The following TMEM8B variants were observed in gnomAD, a reference collection of about 807,000 sequenced individuals.
The protein encoded by TMEM8B is nasopharyngeal carcinoma expressed 6.
Under a neutral mutation model 49.3 loss-of-function variants are expected in TMEM8B, and 29 were observed. That is an observed-to-expected ratio of 0.59 (90% CI 0.44 to 0.80). TMEM8B has a LOEUF of 0.80. Ranked by LOEUF, TMEM8B falls within the 30% of genes least tolerant of loss-of-function variation. The pLI is 0.00. For missense variants in TMEM8B, 575 were observed against 658.5 expected (o/e 0.87, Z 1.39); for synonymous variants, 264 against 272.8 (o/e 0.97, Z 0.32).
chr9:35,838,171 TGAATAGG>T (rs982409833), intron 3 of TMEM8B, among the ~76,000 whole-genome samples: 6 of 152,186 alleles, frequency 3.9e-5, no homozygotes, highest in African/African-American at 1.4e-4. Context: ...ATTTATTTTT[TGAATAGG>T]CAATCCATGC....
Position 35,853,861 on chromosome 9 carries a change from C to G in TMEM8B, c.*21C>G. ...GCTGAGAGGGGCTTTGGGCCTGGCCCTGAGGGGATATGAATGCTTCCTAGA... is the reference window on the plus strand; with the variant it reads ...GCTGAGAGGGGCTTTGGGCCTGGCCGTGAGGGGATATGAATGCTTCCTAGA... On this transcript the variant is annotated 3_prime_UTR_variant, in exon 13 of 13. Transcript: ENST00000643932. The surrounding 1 kb of genome is among the most constrained non-coding windows in gnomAD (Gnocchi z 4.2). 1 of 1,517,394 alleles carries G rather than the reference C, an allele frequency of 6.6e-7. No homozygotes were observed. Among genetic ancestry groups the G allele is most frequent in the East Asian group, 2.3e-5 (1 of 44,172 alleles). The allele number at this position is 1,517,394 out of a possible 1,614,324, so 94.0% of individuals were successfully genotyped here.
rs201470224 is a variant in TMEM8B at position 35,841,785 on chromosome 9, C to T, written c.1300C>T (p.Arg434Trp). The part of the protein sequence containing the change: ...GRTIRFQLCV[R>W]LQECPQPGLL... ...GACCATCCGCTTCCAGCTGTGTGTG[C>T]GGTTGCAAGGTCAGAACCCCTGCAT... Residue 434 changes from arginine (R) to tryptophan (W), a missense_variant, in exon 5 of 13, where the codon CGG becomes TGG. Arg to Trp is a moderately radical substitution (Grantham distance 101). Transcript: ENST00000643932. The surrounding 1 kb of genome is among the most constrained non-coding windows in gnomAD (Gnocchi z 5.9). The T allele has an allele frequency of 2.2e-3, 901 of 416,018 alleles. 5 individuals carry two copies. The highest frequency in any genetic ancestry group is 1.9e-3 in the Non-Finnish European group (436 of 226,522). 25.8% of individuals were successfully genotyped at this position (416,018 alleles called of 1,614,324 possible).
In TMEM8B at chr9:35,864,262, T is replaced by G. The variant is rs1832697463; in HGVS notation, c.*10422T>G. ...AGGTCTGATAGACCCAGGGTTACTT[T>G]GCAAGCTAACTGACATATCAGTCTC... is the stretch of plus-strand genomic sequence containing the variant. On this transcript the variant is annotated 3_prime_UTR_variant, in exon 13 of 13. Transcript: ENST00000643932. The G allele has an allele frequency of 6.6e-6, 1 of 152,260 alleles. No individual in the cohort carries two copies. The highest frequency in any genetic ancestry group is 1.5e-5 in the Non-Finnish European group (1 of 68,046). The allele number at this position is 152,260 out of a possible 1,614,324, so 9.4% of individuals were successfully genotyped here.
At chr9:35,831,693 G>C (rs1829916055) in intron 1 of TMEM8B, among the ~76,000 whole-genome samples, 1 of 152,324 alleles carries the variant, frequency 6.6e-6, no homozygotes, top group African/African-American at 2.4e-5. Flanking sequence ...CAGGGTGACC[G>C]ACAGCCACAG....
intron 1 of TMEM8B, 36 bp downstream of exon 1, chr9:35,829,991 G>A: frequency 2.4e-6 from 1 of 415,366 alleles, no homozygotes; most frequent in East Asian, 3.6e-5. Flanking sequence ...AGGCAGGAAT[G>A]GGGTTCCGGC....
At position 35,829,842 on chromosome 9, in the gene TMEM8B, T is replaced by TC; in HGVS notation, c.401dup (p.Ile135TyrfsTer11). The TC allele has an allele frequency of 2.4e-6, 1 of 416,024 alleles. No homozygotes were observed. 25.8% of individuals were successfully genotyped at this position (416,024 alleles called of 1,614,324 possible). A position where few individuals can be genotyped will look rare whatever the true frequency, so the allele number is the denominator to read the frequency against. ...TGTTTACCCAAGTCTCTCCCTCTAG[T>TC]CCCCCCTATCTCTCATACTCTGCCC... On this transcript the variant is annotated frameshift_variant, in exon 1 of 13. Coordinates refer to ENST00000643932, the MANE Select transcript of TMEM8B (RefSeq NM_001042590.4). LOFTEE classifies it high-confidence loss of function.
chr9:35,847,345 C>T, intron 10 of TMEM8B: 2 of 610,530 alleles, frequency 3.3e-6, no homozygotes, highest in Non-Finnish European at 5.8e-6. Flanking sequence ...ACCATGTTCT[C>T]TGTATGGGGG....
chr9:35,839,309 G>A (rs981405877), intron 3 of TMEM8B, among the ~76,000 whole-genome samples: 4 of 152,198 alleles, frequency 2.6e-5, no homozygotes, highest in Non-Finnish European at 4.4e-5. Context: ...TTCCTTGCCT[G>A]TGCCCTGGGC....
chr9:35,856,568 A>G lies in TMEM8B; in HGVS notation c.*2728A>G. ...GGGGTTTTGATGGCTGGGGCAGAGG[A>G]TGGACTTTGGGAGACCTTGGAGGAC... On this transcript the variant is annotated 3_prime_UTR_variant, in exon 13 of 13. Coordinates refer to ENST00000643932, the MANE Select transcript of TMEM8B (RefSeq NM_001042590.4). 6.6e-6 allele frequency: 1 copy of G among 152,230 alleles called. No homozygotes were observed. Among genetic ancestry groups the G allele is most frequent in the East Asian group, 1.9e-4 (1 of 5,198 alleles). 9.4% of individuals were successfully genotyped at this position (152,230 alleles called of 1,614,324 possible). A position where few individuals can be genotyped will look rare whatever the true frequency, so the allele number is the denominator to read the frequency against.
rs979538867 is a variant in TMEM8B at position 35,854,903 on chromosome 9, A to G, written c.*1063A>G. ...TCCATTTGGGATTCCTTCTCTTTCCATGAGGGTCATAGCTGAGTTCTGAGG... is the reference window on the plus strand; with the variant it reads ...TCCATTTGGGATTCCTTCTCTTTCCGTGAGGGTCATAGCTGAGTTCTGAGG... On this transcript the variant is annotated 3_prime_UTR_variant, in exon 13 of 13. Transcript: ENST00000643932. 5.3e-5 allele frequency: 8 copies of G among 152,152 alleles called. No homozygotes were observed. The highest frequency in any genetic ancestry group is 1.7e-4 in the African/African-American group (7 of 41,410). 9.4% of individuals were successfully genotyped at this position (152,152 alleles called of 1,614,324 possible). A position where few individuals can be genotyped will look rare whatever the true frequency, so the allele number is the denominator to read the frequency against.
intron 3 of TMEM8B, among the ~76,000 whole-genome samples, chr9:35,835,670 T>C (rs1292857142): frequency 2.0e-5 from 3 of 152,234 alleles, no homozygotes; most frequent in Non-Finnish European, 4.4e-5. Flanking sequence ...TCTGGGAGAA[T>C]GTATTCCTCT....
At position 35,846,329 on chromosome 9, in the gene TMEM8B, C is replaced by G. The variant is rs1408696816; in HGVS notation, c.1801C>G (p.Gln601Glu). The G allele has an allele frequency of 6.2e-7, 1 of 1,614,172 alleles. No individual in the cohort carries two copies. Among genetic ancestry groups the G allele is most frequent in the Admixed American group, 1.7e-5 (1 of 60,030 alleles). Residue 601 changes from glutamine (Q) to glutamate (E), a missense_variant, in exon 8 of 13, where the codon CAG becomes GAG. Physicochemically the swap from Gln to Glu is conservative, Grantham distance 29. Transcript: ENST00000643932. ...TGCCAGGCTGCGAATCCCATTCCCG[C>G]AGACGGGGACCTGGTTCCTGGCCCT... ...RVARLRIPFP[Q>E]TGTWFLALRS...
intron 6 of TMEM8B, chr9:35,845,670 A>G: frequency 2.0e-6 from 2 of 985,458 alleles, no homozygotes; most frequent in Middle Eastern, 5.2e-4. Flanking sequence ...TGAGCTAGAT[A>G]GGACTGAAAA....
At chr9:35,840,447 G>A (rs1830861452) in intron 3 of TMEM8B, among the ~76,000 whole-genome samples, 3 of 152,166 alleles carry the variant, frequency 2.0e-5, no homozygotes, top group Non-Finnish European at 2.9e-5. Flanking sequence ...CTCTATGTGA[G>A]GCCCTGTGTC....
rs1431201686 is a variant in TMEM8B at position 35,857,400 on chromosome 9, G to A, written c.*3560G>A. 1 of 152,282 alleles carries A rather than the reference G, an allele frequency of 6.6e-6. No individual in the cohort carries two copies. The highest frequency in any genetic ancestry group is 1.5e-5 in the Non-Finnish European group (1 of 68,060). The allele number at this position is 152,282 out of a possible 1,614,324, so 9.4% of individuals were successfully genotyped here. A position where few individuals can be genotyped will look rare whatever the true frequency, so the allele number is the denominator to read the frequency against. The stretch of plus-strand genomic sequence containing the variant: ...AAGTGCAATGGGAAAGGATGCATGA[G>A]AGAGATGGTGTCTAACCTAGCTTTG... On this transcript the variant is annotated 3_prime_UTR_variant, in exon 13 of 13. Transcript: ENST00000643932.
In TMEM8B at chr9:35,855,166, A is replaced by G. The variant is rs1461539541; in HGVS notation, c.*1326A>G. The G allele has an allele frequency of 6.6e-6, 1 of 152,214 alleles. No homozygotes were observed. Among genetic ancestry groups the G allele is most frequent in the Non-Finnish European group, 1.5e-5 (1 of 68,038 alleles). 9.4% of individuals were successfully genotyped at this position (152,214 alleles called of 1,614,324 possible). Reference sequence around the variant, plus strand: ...CGTAAAGTTGTCTAAGGCCTTGGCTATGCAGACACACCTTGAAGCTGTTTC... The same window carrying G: ...CGTAAAGTTGTCTAAGGCCTTGGCTGTGCAGACACACCTTGAAGCTGTTTC... On this transcript the variant is annotated 3_prime_UTR_variant, in exon 13 of 13. Transcript: ENST00000643932.
chr9:35,840,107 G>T (rs371295915), intron 3 of TMEM8B, among the ~76,000 whole-genome samples: 1 of 152,200 alleles, frequency 6.6e-6, no homozygotes, highest in South Asian at 2.1e-4. Flanking sequence ...ATAGCTGCAC[G>T]TGCTGCAGAA....
At position 35,835,501 on chromosome 9, in the gene TMEM8B, C is replaced by T. The variant is rs879132959; in HGVS notation, c.906+283C>T. 1.5e-4 allele frequency: 47 copies of T among 314,558 alleles called. No homozygotes were observed. The Admixed American group carries it at 2.2e-3, about 14-fold the overall frequency. 19.5% of individuals were successfully genotyped at this position (314,558 alleles called of 1,614,324 possible). On this transcript the variant is annotated intron_variant, in intron 3 of 12. Transcript: ENST00000643932. ...GAGGCTCTGGCACAGGGGAGTAGTG[C>T]CGCCTCCTAGTGGAAGGCACAAATG...
intron 1 of TMEM8B, among the ~76,000 whole-genome samples, chr9:35,832,746 A>G (rs1334377254): frequency 2.2e-4 from 33 of 152,158 alleles, no homozygotes; most frequent in Non-Finnish European, 8.8e-5. Context: ...CCCTAACCCC[A>G]GCAGAAGGTG....
Sources: gnomAD v4.1 joint callset for allele counts (sites outside exome capture counted in the v4.1 genomes callset) on GRCh38, gnomAD v4.1.1 for gene constraint, Gnocchi (gnomAD v3.1) non-coding constraint, MANE v1.5 for transcripts, NCBI Gene and HGNC (gene_info 2026-07-23, HGNC 2026-07-21) for gene names.